The following RGS12 variants were observed in gnomAD, a reference collection of about 807,000 sequenced individuals.
The protein encoded by RGS12 is regulator of G-protein signaling 12.
Under a neutral mutation model 120.1 loss-of-function variants are expected in RGS12, and 66 were observed. The observed-to-expected ratio is 0.55, with a 90% CI of 0.45 to 0.67. The LOEUF (loss-of-function observed/expected upper bound fraction) is 0.67. RGS12 is among the 30% of genes least tolerant of loss of function. The probability of loss-of-function intolerance (pLI) is 0.00; values close to 1 mark genes in which losing one functional copy is unlikely to be tolerated. For missense variants in RGS12, 1,859 were observed against 1,957.7 expected (o/e 0.95, Z 0.95); for synonymous variants, 827 against 804.7 (o/e 1.03, Z -0.47).
intron 3 of RGS12, among the ~76,000 whole-genome samples, chr4:3,382,643 GCTCT>G (rs1008839515): frequency 4.6e-5 from 7 of 151,870 alleles, no homozygotes; most frequent in Non-Finnish European, 1.0e-4. Flanking sequence ...GTTCTCTGCT[GCTCT>G]CTCTCTCTCC....
At chr4:3,434,443 T>C (rs1288897625) in intron 17 of RGS12, among the ~76,000 whole-genome samples, 1 of 152,140 alleles carries the variant, frequency 6.6e-6, no homozygotes, top group Non-Finnish European at 1.5e-5. Context: ...TGTGTGTTCG[T>C]GTGGCATGTG....
intron 4 of RGS12, among the ~76,000 whole-genome samples, chr4:3,401,305 A>G (rs576342523): frequency 6.6e-6 from 1 of 152,324 alleles, no homozygotes; most frequent in East Asian, 1.9e-4. Flanking sequence ...TTTTCAAGGA[A>G]GAAAATATTT....
intron 2 of RGS12, among the ~76,000 whole-genome samples, chr4:3,337,818 C>G (rs1365840011): frequency 2.6e-5 from 4 of 152,146 alleles, no homozygotes; most frequent in Admixed American, 2.0e-4. Flanking sequence ...AGCCAGCTAA[C>G]TTGGTAAATT....
chr4:3,303,885 G>A (rs1383485367), intron 1 of RGS12, among the ~76,000 whole-genome samples: 4 of 152,160 alleles, frequency 2.6e-5, no homozygotes, highest in Non-Finnish European at 5.9e-5. Context: ...TCTGAAAGTT[G>A]CCAGTCTTTA....
intron 2 of RGS12, among the ~76,000 whole-genome samples, chr4:3,329,206 C>T (rs1180101985): frequency 6.6e-6 from 1 of 152,126 alleles, no homozygotes; most frequent in African/African-American, 2.4e-5. Flanking sequence ...GTGGGAGGAG[C>T]CTTCACATTC....
At chr4:3,385,509 G>A (rs972877908) in intron 3 of RGS12, 1 of 152,650 alleles carries the variant, frequency 6.6e-6, no homozygotes, top group East Asian at 1.9e-4. Flanking sequence ...TGCGCCCTGG[G>A]CCCTTCCTGC....
chr4:3,314,049 AT>A (rs1307563168), intron 1 of RGS12: 10 of 151,606 alleles, frequency 6.6e-5, no homozygotes, highest in Admixed American at 5.2e-4. Flanking sequence ...TAATTATTTT[AT>A]TTTTTAAATT....
At position 3,317,751 on chromosome 4, in the gene RGS12, G is replaced by A; in HGVS notation, c.1581G>A (p.Val527=). ...SSVPPSKRGT[V]GAGCGFNQRW... is the part of the protein sequence containing the mutation. Reference sequence around the variant, plus strand: ...TCCCCCCTTCCAAGAGGGGCACCGTGGGTGCTGGCTGTGGTTTCAACCAGC... The same window carrying A: ...TCCCCCCTTCCAAGAGGGGCACCGTAGGTGCTGGCTGTGGTTTCAACCAGC... The change falls in exon 2 of 18, where the codon GTG becomes GTA. Residue 527 remains valine, a synonymous_variant. Transcript: ENST00000336727. The A allele has an allele frequency of 6.2e-7, 1 of 1,613,590 alleles. No homozygotes were observed. The highest frequency in any genetic ancestry group is 8.5e-7 in the Non-Finnish European group (1 of 1,180,010).
chr4:3,287,338 G>A, the RGS12 span, among the ~76,000 whole-genome samples: 1 of 151,998 alleles, frequency 6.6e-6, no homozygotes, highest in Non-Finnish European at 1.5e-5. Context: ...TTTTCTCAAG[G>A]CACATCACAT....
chr4:3,319,854 G>A (rs576032415), intron 2 of RGS12, among the ~76,000 whole-genome samples: 2 of 152,128 alleles, frequency 1.3e-5, no homozygotes, highest in Non-Finnish European at 2.9e-5. Flanking sequence ...CCTCCTGCCC[G>A]CCCTGGGCCT....
intron 3 of RGS12, among the ~76,000 whole-genome samples, chr4:3,361,264 G>A (rs1715528257): frequency 6.6e-6 from 1 of 152,174 alleles, no homozygotes; most frequent in Non-Finnish European, 1.5e-5. Flanking sequence ...CCATAAAGAA[G>A]AGCTGGAACA....
At position 3,316,494 on chromosome 4, in the gene RGS12, TGAA is replaced by T; in HGVS notation, c.329_331del (p.Glu110del). 2 of 1,614,172 alleles carry T rather than the reference TGAA, an allele frequency of 1.2e-6. No individual in the cohort carries two copies. The highest frequency in any genetic ancestry group is 1.7e-6 in the Non-Finnish European group (2 of 1,180,038). On this transcript the variant is annotated inframe_deletion, in exon 2 of 18. Coordinates refer to ENST00000336727, the MANE Select transcript of RGS12 (RefSeq NM_001394154.1). ...GCCGCTTCGAATCCTGTTCCAGTGA[TGAA>T]GAAGGGGGACTCTATGAAGGAAAAG...
intron 3 of RGS12, among the ~76,000 whole-genome samples, chr4:3,364,432 G>A (rs960733645): frequency 3.9e-5 from 6 of 152,124 alleles, no homozygotes; most frequent in Admixed American, 1.3e-4. Flanking sequence ...CATGGAGGTC[G>A]GGCCGCACTG....
intron 2 of RGS12, among the ~76,000 whole-genome samples, chr4:3,336,129 C>G (rs1218924020): frequency 2.6e-5 from 4 of 152,086 alleles, no homozygotes; most frequent in Non-Finnish European, 5.9e-5. Context: ...AAACAAAACC[C>G]AAGGGCTGGA....
intron 3 of RGS12, among the ~76,000 whole-genome samples, chr4:3,356,210 A>G (rs1714885104): frequency 6.6e-6 from 1 of 151,882 alleles, no homozygotes; most frequent in Non-Finnish European, 1.5e-5. Flanking sequence ...GTGAGCCATC[A>G]TGCCCGGATA....
At chr4:3,393,336 G>T (rs1158735301) in intron 4 of RGS12, among the ~76,000 whole-genome samples, 1 of 152,158 alleles carries the variant, frequency 6.6e-6, no homozygotes, top group Non-Finnish European at 1.5e-5. Flanking sequence ...TGCCTCGTGG[G>T]GTCTCGGCTG....
the RGS12 span, among the ~76,000 whole-genome samples, chr4:3,287,064 A>G: frequency 3.3e-5 from 5 of 152,256 alleles, no homozygotes; most frequent in East Asian, 5.8e-4. Context: ...ACAGAGAAAA[A>G]GGGGCACCTA....
intron 3 of RGS12, among the ~76,000 whole-genome samples, chr4:3,369,707 C>T (rs1228596865): frequency 6.6e-6 from 1 of 152,156 alleles, no homozygotes; most frequent in Non-Finnish European, 1.5e-5. Flanking sequence ...TTTTTCTTTC[C>T]TCCTTCCTTT....
chr4:3,423,683 T>C (rs776782406), intron 13 of RGS12, 42 bp downstream of exon 13: 2 of 1,580,816 alleles, frequency 1.3e-6, no homozygotes, highest in South Asian at 1.1e-5. Context: ...CCGCAGGCAC[T>C]GTCTGTTCCC....
Sources: gnomAD v4.1 joint callset for allele counts (sites outside exome capture counted in the v4.1 genomes callset) on GRCh38, gnomAD v4.1.1 for gene constraint, MANE v1.5 for transcripts, NCBI Gene and HGNC (gene_info 2026-07-23, HGNC 2026-07-21) for gene names.